The following AMOTL1 variants were observed in gnomAD, a reference collection of about 807,000 sequenced individuals.
AMOTL1 encodes angiomotin like 1.
AMOTL1 carries 45 observed loss-of-function variants against 102.9 expected under a neutral mutation model. That is an observed-to-expected ratio of 0.44 (90% CI 0.34 to 0.56). AMOTL1 has a LOEUF of 0.56. Among genes scored for constraint, AMOTL1 ranks in the 20% least tolerant of loss-of-function variants. AMOTL1 has a pLI of 0.01. For missense variants in AMOTL1, 1,114 were observed against 1,225.6 expected, an observed-to-expected ratio of 0.91 and a Z score of 1.36; for synonymous variants, 481 against 484.7, an observed-to-expected ratio of 0.99 and a Z score of 0.10.
chr11:94,716,381 T>G (rs1015790371), intron 1 of AMOTL1, among the ~76,000 whole-genome samples: 3 of 152,186 alleles, frequency 2.0e-5, no homozygotes, highest in Non-Finnish European at 4.4e-5. Flanking sequence ...AAAAGTTGTA[T>G]GTTTCCTTGT....
chr11:94,850,049 T>TG, intron 6 of AMOTL1, 65 bp from the exon 7 acceptor site: 1 of 1,488,738 alleles, frequency 6.7e-7, no homozygotes, highest in Non-Finnish European at 9.0e-7. Context: ...AGATGTCGAC[T>TG]GGCCGTGAGC....
chr11:94,768,234 ACGGGCTCTAGGGCCCAGCGGC>A, upstream of AMOTL1: 1 of 1,157,894 alleles, frequency 8.6e-7, no homozygotes. Flanking sequence ...GTGTCTGCAG[ACGGGCTCTAGGGCCCAGCGGC>A]CGGGCGCCAC....
At chr11:94,714,227 A>G (rs1017253116) in intron 1 of AMOTL1, among the ~76,000 whole-genome samples, 1 of 152,070 alleles carries the variant, frequency 6.6e-6, no homozygotes, top group African/African-American at 2.4e-5. Flanking sequence ...CATAGCTGAA[A>G]TAAATCTCAT....
intron 1 of AMOTL1, among the ~76,000 whole-genome samples, chr11:94,707,817 A>T (rs1385263111): frequency 6.6e-6 from 1 of 152,158 alleles, no homozygotes; most frequent in Admixed American, 6.5e-5. Flanking sequence ...TTGGGAACAC[A>T]TTCAGCAGAT....
At chr11:94,708,080 T>C (rs1347993035) in intron 1 of AMOTL1, among the ~76,000 whole-genome samples, 2 of 152,176 alleles carry the variant, frequency 1.3e-5, no homozygotes, top group Non-Finnish European at 2.9e-5. Context: ...TTTACATCTC[T>C]CTACCCCACC....
At chr11:94,805,476 A>T (rs1417814252) in intron 3 of AMOTL1, among the ~76,000 whole-genome samples, 1 of 152,182 alleles carries the variant, frequency 6.6e-6, no homozygotes, top group Admixed American at 6.5e-5. Context: ...GAATGTTTCC[A>T]TTATGGAAGA....
chr11:94,784,318 T>G (rs546198119), intron 1 of AMOTL1, among the ~76,000 whole-genome samples: 2 of 152,192 alleles, frequency 1.3e-5, no homozygotes, highest in Non-Finnish European at 2.9e-5. Flanking sequence ...AGCATTTATG[T>G]ATGGTATGCT....
At chr11:94,824,515 T>G (rs1364726116) in intron 4 of AMOTL1, among the ~76,000 whole-genome samples, 1 of 152,212 alleles carries the variant, frequency 6.6e-6, no homozygotes, top group Non-Finnish European at 1.5e-5. Flanking sequence ...GTTGGATAAC[T>G]GTTCTCAACA....
intron 3 of AMOTL1, among the ~76,000 whole-genome samples, chr11:94,813,757 G>C (rs1951722064): frequency 6.6e-6 from 1 of 152,208 alleles, no homozygotes; most frequent in African/African-American, 2.4e-5. Flanking sequence ...CCAGGTCACA[G>C]GAGCTTCGAT....
chr11:94,751,700 TA>T (rs34946180), intron 3 of AMOTL1, among the ~76,000 whole-genome samples: 14,911 of 135,012 alleles, frequency 0.11, 1,643 homozygotes, highest in African/African-American at 0.29. Flanking sequence ...CTGCTTTGGC[TA>T]AAAAAAAAAA....
chr11:94,779,517 T>C (rs755282233), intron 1 of AMOTL1, among the ~76,000 whole-genome samples: 4 of 152,158 alleles, frequency 2.6e-5, no homozygotes, highest in Non-Finnish European at 5.9e-5. Context: ...AAAATGATGA[T>C]AGAATTAGTA....
intron 3 of AMOTL1, among the ~76,000 whole-genome samples, chr11:94,818,494 AT>A (rs923131931): frequency 8.8e-4 from 133 of 151,584 alleles, no homozygotes; most frequent in South Asian, 4.2e-3. Context: ...ATGGCAAATA[AT>A]TTTTTTTTGC....
chr11:94,795,889 CAGTTACCCTG>C lies in AMOTL1; in HGVS notation c.199+732_199+741del, dbSNP rs1476422817. Among the ~76,000 whole-genome samples, 7 of 152,092 alleles carry C rather than the reference CAGTTACCCTG, an allele frequency of 4.6e-5. No homozygotes were observed. The East Asian group carries it at 1.3e-3, about 29-fold the overall frequency. ...GCTTGTTCCATTAAGTCTTTCAGAT[CAGTTACCCTG>C]AGGGGAGGACTGTGTCCTCTTTACT... On this transcript the variant is annotated intron_variant, in intron 2 of 12. Transcript: ENST00000433060.
In AMOTL1 at chr11:94,850,109, T is replaced by C. The variant is rs771079154; in HGVS notation, c.1649-5T>C. On this transcript the variant is annotated splice_region_variant and splice_polypyrimidine_tract_variant and intron_variant, in intron 6 of 12. Coordinates refer to ENST00000433060, the MANE Select transcript of AMOTL1 (RefSeq NM_130847.3). ...GAGGTAGTTTTGTTCGTGTTTCCCT[T>C]CTAGACAAAGAATTCTTGAAGGAAA... 1 of 1,577,036 alleles carries C rather than the reference T, an allele frequency of 6.3e-7. No individual in the cohort carries two copies. Among genetic ancestry groups the C allele is most frequent in the Non-Finnish European group, 8.6e-7 (1 of 1,160,522 alleles).
chr11:94,805,973 A>G (rs965030363), intron 3 of AMOTL1, among the ~76,000 whole-genome samples: 1 of 152,174 alleles, frequency 6.6e-6, no homozygotes, highest in Non-Finnish European at 1.5e-5. Flanking sequence ...TAAGTGAGGG[A>G]ACCTGTGGTA....
chr11:94,707,987 T>G (rs977614205), intron 1 of AMOTL1, among the ~76,000 whole-genome samples: 1 of 152,096 alleles, frequency 6.6e-6, no homozygotes, highest in Non-Finnish European at 1.5e-5. Flanking sequence ...AGAATGATGG[T>G]TCTAAAATAA....
intron 6 of AMOTL1, among the ~76,000 whole-genome samples, chr11:94,843,985 A>G (rs1365038377): frequency 3.3e-5 from 5 of 152,148 alleles, no homozygotes; most frequent in Non-Finnish European, 1.5e-5. Context: ...CATGGCTCCC[A>G]TCAGTCTCCC....
At chr11:94,782,133 A>G (rs972726637) in intron 1 of AMOTL1, among the ~76,000 whole-genome samples, 4 of 152,200 alleles carry the variant, frequency 2.6e-5, no homozygotes, top group Middle Eastern at 3.2e-3. Context: ...TAAATATGAA[A>G]CTAGATGCTT....
Position 94,750,000 on chromosome 11 carries a change from C to T in AMOTL1, c.136+9012C>T, listed in dbSNP as rs115249048. ...ATTTTTATGGGGATGAAAAAGGAGA[C>T]AGGAACCAGGCTAGATTCACCTACT... On this transcript the variant is annotated intron_variant, in intron 3 of 4. Transcript: ENST00000299004. Among the ~76,000 whole-genome samples, 1,243 of 152,246 alleles carry T rather than the reference C, an allele frequency of 8.2e-3. 16 individuals are homozygous for T. The highest frequency in any genetic ancestry group is 0.028 in the African/African-American group (1,176 of 41,524).
Sources: gnomAD v4.1 joint callset for allele counts (sites outside exome capture counted in the v4.1 genomes callset) on GRCh38, gnomAD v4.1.1 for gene constraint, MANE v1.5 for transcripts, NCBI Gene and HGNC (gene_info 2026-07-23, HGNC 2026-07-21) for gene names.